Variants in CNTNAP2 observed in about 807,000 individuals in gnomAD.
The protein encoded by CNTNAP2 is contactin associated protein 2, also known as contactin-associated protein-like 2.
In CNTNAP2, 98 loss-of-function variants were observed where a neutral mutation model predicts 155.2. That is an observed-to-expected ratio of 0.63 (90% CI 0.54 to 0.75). The LOEUF is 0.75. Among genes scored for constraint, CNTNAP2 ranks in the 30% least tolerant of loss-of-function variants. The pLI, the probability that CNTNAP2 is intolerant of heterozygous loss-of-function variation, is 0.00. For missense variants in CNTNAP2, 1,727 were observed against 1,688.1 expected, an observed-to-expected ratio of 1.02 and a Z score of -0.40; for synonymous variants, 651 against 631.2, an observed-to-expected ratio of 1.03 and a Z score of -0.47.
chr7:148,080,604 C>CAAAAAAAAAA (rs199500286), intron 15 of CNTNAP2, among the ~76,000 whole-genome samples: 16 of 69,428 alleles, frequency 2.3e-4, no homozygotes, highest in East Asian at 5.1e-4. Context: ...GACTCCATCT[C>CAAAAAAAAAA]AAAAAAAAAA....
intron 8 of CNTNAP2, among the ~76,000 whole-genome samples, chr7:147,183,372 C>A (rs1341200596): frequency 1.3e-5 from 2 of 152,134 alleles, no homozygotes; most frequent in African/African-American, 2.4e-5. Context: ...TCACAGTCTA[C>A]TAAAGCCTAA....
At chr7:146,982,978 T>C (rs977493257) in intron 3 of CNTNAP2, among the ~76,000 whole-genome samples, 24 of 152,328 alleles carry the variant, frequency 1.6e-4, no homozygotes, top group Non-Finnish European at 3.2e-4. Flanking sequence ...TTAGAAAATA[T>C]GCTGCCAATG....
Position 148,096,266 on chromosome 7 carries a change from C to T in CNTNAP2, c.2384-21852C>T, listed in dbSNP as rs954639840. On this transcript the variant is annotated intron_variant, in intron 15 of 23. Coordinates refer to ENST00000361727, the MANE Select transcript of CNTNAP2 (RefSeq NM_014141.6). ...GATTCTTAAGCTGAACGTTTTTCTG[C>T]GTGCATGCATGCATGTGTGTGTGTG... 3.5e-5 allele frequency among the ~76,000 whole-genome samples: 5 copies of T among 140,872 alleles called. No homozygotes were observed. In the East Asian group the frequency reaches 9.3e-4, roughly 26 times the overall value. The allele number at this position is 140,872 out of a possible 152,430, so 92.4% of individuals were successfully genotyped here. A position where few individuals can be genotyped will look rare whatever the true frequency, so the allele number is the denominator to read the frequency against.
chr7:147,807,396 A>C (rs1798109267), intron 13 of CNTNAP2, among the ~76,000 whole-genome samples: 1 of 151,594 alleles, frequency 6.6e-6, no homozygotes, highest in African/African-American at 2.4e-5. Flanking sequence ...AAGAACATGG[A>C]GATCCCCATT....
chr7:146,590,404 T>A (rs915149412), intron 1 of CNTNAP2, among the ~76,000 whole-genome samples: 1 of 152,194 alleles, frequency 6.6e-6, no homozygotes, highest in Non-Finnish European at 1.5e-5. Flanking sequence ...AAGTTTTTAA[T>A]GACAATGATC....
chr7:148,019,982 A>G (rs1452842838), intron 15 of CNTNAP2, among the ~76,000 whole-genome samples: 1 of 151,974 alleles, frequency 6.6e-6, no homozygotes, highest in Non-Finnish European at 1.5e-5. Flanking sequence ...ACAGGGTTTC[A>G]CCATGTTGGT....
chr7:147,994,248 C>G (rs796561519), intron 15 of CNTNAP2, among the ~76,000 whole-genome samples: 1 of 151,694 alleles, frequency 6.6e-6, no homozygotes, highest in African/African-American at 2.4e-5. Flanking sequence ...GGCACATGCC[C>G]GTGGCCCAAC....
At chr7:147,658,253 TCCC>T (rs1795557341) in intron 13 of CNTNAP2, among the ~76,000 whole-genome samples, 1 of 34,394 alleles carries the variant, frequency 2.9e-5, no homozygotes, top group Admixed American at 4.6e-4. Context: ...CGAGACTCCG[TCCC>T]AAAAAAAAAA....
intron 15 of CNTNAP2, among the ~76,000 whole-genome samples, chr7:148,017,078 G>A (rs1269407414): frequency 6.6e-6 from 1 of 152,200 alleles, no homozygotes; most frequent in Non-Finnish European, 1.5e-5. Flanking sequence ...TTGATAGATG[G>A]TCAGAATAAA....
chr7:146,689,294 A>C (rs972493332), intron 1 of CNTNAP2, among the ~76,000 whole-genome samples: 2 of 152,076 alleles, frequency 1.3e-5, no homozygotes, highest in African/African-American at 4.8e-5. Flanking sequence ...AGGGGTTATC[A>C]AGCAGTGAAT....
chr7:147,807,590 T>G (rs572423560), intron 13 of CNTNAP2, among the ~76,000 whole-genome samples: 2 of 152,162 alleles, frequency 1.3e-5, no homozygotes, highest in Non-Finnish European at 2.9e-5. Flanking sequence ...CATCCATCAA[T>G]CGAGTGCCTA....
At chr7:147,114,825 G>T (rs772440538) in intron 5 of CNTNAP2, among the ~76,000 whole-genome samples, 1 of 152,248 alleles carries the variant, frequency 6.6e-6, no homozygotes, top group African/African-American at 2.4e-5. Flanking sequence ...GGTTAGTATT[G>T]TTATGTGTGG....
chr7:147,605,659 A>G (rs10952702), intron 12 of CNTNAP2, among the ~76,000 whole-genome samples: 27,068 of 151,998 alleles, frequency 0.18, 2,737 homozygotes, highest in East Asian at 0.35. Context: ...TTCATGACAA[A>G]TGTGTTTCTT....
At chr7:147,441,813 TTCTCTCTCTC>T (rs568227936) in intron 10 of CNTNAP2, among the ~76,000 whole-genome samples, 18,619 of 101,984 alleles carry the variant, frequency 0.18, 1,529 homozygotes, top group Non-Finnish European at 0.21. Flanking sequence ...TGTAGTCTCT[TTCTCTCTCTC>T]TCTCTCTCTC....
At chr7:146,152,771 T>G (rs1057428743) in intron 1 of CNTNAP2, among the ~76,000 whole-genome samples, 1 of 152,100 alleles carries the variant, frequency 6.6e-6, no homozygotes, top group Non-Finnish European at 1.5e-5. Context: ...GAACACGAAG[T>G]ACTTAATAAA....
At chr7:147,023,051 A>G (rs996888101) in intron 3 of CNTNAP2, among the ~76,000 whole-genome samples, 8 of 152,194 alleles carry the variant, frequency 5.3e-5, no homozygotes, top group Non-Finnish European at 8.8e-5. Flanking sequence ...TGCCTTTTGC[A>G]GTACAGGGTT....
chr7:147,034,006 G>A (rs770197311), intron 3 of CNTNAP2, among the ~76,000 whole-genome samples: 2 of 152,166 alleles, frequency 1.3e-5, no homozygotes, highest in African/African-American at 4.8e-5. Flanking sequence ...AGTAGCACTT[G>A]TAGATTGCTG....
chr7:146,944,910 T>C (rs1040329614), intron 3 of CNTNAP2, among the ~76,000 whole-genome samples: 1 of 151,910 alleles, frequency 6.6e-6, no homozygotes, highest in Non-Finnish European at 1.5e-5. Flanking sequence ...AGAAAAATCG[T>C]AAGGCTATGC....
intron 9 of CNTNAP2, among the ~76,000 whole-genome samples, chr7:147,328,056 A>G (rs1365949293): frequency 6.6e-6 from 1 of 152,182 alleles, no homozygotes; most frequent in Non-Finnish European, 1.5e-5. Flanking sequence ...TGGAAAAAAA[A>G]TAAAAATAGA....
Sources: allele counts gnomAD v4.1 joint callset (sites outside exome capture counted in the v4.1 genomes callset), GRCh38; gene constraint gnomAD v4.1.1; transcripts MANE v1.5; gene names NCBI Gene and HGNC (gene_info 2026-07-23, HGNC 2026-07-21).